SH3GLB1: variants seen among roughly 807,000 people sequenced by gnomAD.
SH3GLB1 encodes the protein endophilin-B1.
In SH3GLB1, 17 loss-of-function variants were observed where a neutral mutation model predicts 42.0. The observed-to-expected ratio is 0.40, with a 90% CI of 0.28 to 0.61. The LOEUF is 0.61. Ranked by LOEUF, SH3GLB1 falls within the 20% of genes least tolerant of loss-of-function variation. SH3GLB1 has a pLI of 0.36. For synonymous variants in SH3GLB1, 132 were observed against 146.6 expected (o/e 0.90, Z 0.72); for missense variants, 355 against 426.3 (o/e 0.83, Z 1.47).
chr1:86,732,342 A>G (rs1418055504), intron 5 of SH3GLB1, among the ~76,000 whole-genome samples: 1 of 152,236 alleles, frequency 6.6e-6, no homozygotes, highest in African/African-American at 2.4e-5. Context: ...TACTTTTAGC[A>G]GTAGAAGGTC....
chr1:86,705,487 C>T (rs1190840170), intron 1 of SH3GLB1, among the ~76,000 whole-genome samples: 1 of 152,204 alleles, frequency 6.6e-6, no homozygotes, highest in Non-Finnish European at 1.5e-5. Flanking sequence ...AAAGGACTGT[C>T]CTGGGCTTGG....
At chr1:86,731,196 A>C (rs531037774) in intron 5 of SH3GLB1, among the ~76,000 whole-genome samples, 1 of 152,336 alleles carries the variant, frequency 6.6e-6, no homozygotes, top group South Asian at 2.1e-4. Context: ...TGCTTTTTTA[A>C]GTCTTCAGAA....
chr1:86,713,938 T>C (rs1163962301), intron 1 of SH3GLB1, among the ~76,000 whole-genome samples: 4 of 152,248 alleles, frequency 2.6e-5, no homozygotes, highest in African/African-American at 9.6e-5. Context: ...TGTTGGCTGC[T>C]GAAACCCATG....
At chr1:86,718,368 C>G (rs763535655) in intron 2 of SH3GLB1, among the ~76,000 whole-genome samples, 3 of 152,114 alleles carry the variant, frequency 2.0e-5, no homozygotes, top group Non-Finnish European at 4.4e-5. Flanking sequence ...TGAAATTTAA[C>G]TAGTATCTTC....
At chr1:86,713,089 C>G (rs1446964409) in intron 1 of SH3GLB1, among the ~76,000 whole-genome samples, 1 of 151,858 alleles carries the variant, frequency 6.6e-6, no homozygotes, top group Non-Finnish European at 1.5e-5. Flanking sequence ...GCCCTGAACC[C>G]CAGTTTGTAT....
intron 3 of SH3GLB1, among the ~76,000 whole-genome samples, chr1:86,721,766 ACAGTCACCCCTCGAT>A (rs1654873056): frequency 6.6e-6 from 1 of 152,148 alleles, no homozygotes; most frequent in Non-Finnish European, 1.5e-5. Flanking sequence ...AAGTATAACC[ACAGTCACCCCTCGAT>A]ATCCATGGGG....
intron 2 of SH3GLB1, 139 bp downstream of exon 2, chr1:86,716,004 C>A: frequency 1.2e-6 from 1 of 817,594 alleles, no homozygotes. Flanking sequence ...TTTGTGTGTG[C>A]TTTTGTGAAG....
chr1:86,715,894 A>C (rs1654495083), intron 2 of SH3GLB1, 29 bp downstream of exon 2: 1 of 1,586,128 alleles, frequency 6.3e-7, no homozygotes, highest in Non-Finnish European at 8.5e-7. Context: ...TGTGTACCTT[A>C]AGTACTATTA....
intron 2 of SH3GLB1, 96 bp downstream of exon 2, chr1:86,715,961 T>G (rs2101927087): frequency 7.6e-7 from 1 of 1,315,114 alleles, no homozygotes; most frequent in South Asian, 1.4e-5. Context: ...AACATAGGAT[T>G]TTTTTATTGT....
rs1230770684 is a variant in SH3GLB1, at chr1:86,704,604, G to A, written c.-296G>A. The A allele has an allele frequency of 7.2e-6, 2 of 277,008 alleles. No individual in the cohort carries two copies. Among genetic ancestry groups the A allele is most frequent in the Non-Finnish European group, 1.4e-5 (2 of 144,776 alleles). The allele number at this position is 277,008 out of a possible 1,614,324, so 17.2% of individuals were successfully genotyped here. ...TTTCCCTTGGGACCCGGGTCCACAC[G>A]GCGGGGTCGCCCGTCCATCTCCGGC... On this transcript the variant is annotated 5_prime_UTR_variant, in exon 1 of 9. Transcript: ENST00000370558.
chr1:86,740,226 A>C (rs1655991148), intron 7 of SH3GLB1, among the ~76,000 whole-genome samples: 1 of 152,080 alleles, frequency 6.6e-6, no homozygotes, highest in Admixed American at 6.6e-5. Flanking sequence ...AACTGAGTGT[A>C]ATGGTTATGG....
chr1:86,737,327 G>A (rs762189472), intron 7 of SH3GLB1, among the ~76,000 whole-genome samples: 3 of 152,060 alleles, frequency 2.0e-5, no homozygotes, highest in Non-Finnish European at 2.9e-5. Context: ...CTTTAACTCT[G>A]CAAAATTGAC....
intron 6 of SH3GLB1, 96 bp from the exon 7 acceptor site, chr1:86,734,983 G>C: frequency 1.1e-6 from 1 of 875,564 alleles, no homozygotes; most frequent in Non-Finnish European, 1.9e-6. Flanking sequence ...ATACTGGTGA[G>C]TCTACCTCAG....
intron 7 of SH3GLB1, among the ~76,000 whole-genome samples, chr1:86,736,543 A>G (rs575141856): frequency 2.6e-5 from 4 of 152,326 alleles, no homozygotes; most frequent in African/African-American, 7.2e-5. Context: ...CATTATAACT[A>G]TTTTAAGCCC....
intron 1 of SH3GLB1, among the ~76,000 whole-genome samples, chr1:86,710,344 A>C (rs1444346150): frequency 6.6e-6 from 1 of 151,264 alleles, no homozygotes; most frequent in African/African-American, 2.4e-5. Context: ...GGCTCACCGC[A>C]ATCTCCGTTT....
chr1:86,712,963 A>G (rs1281435357), intron 1 of SH3GLB1, among the ~76,000 whole-genome samples: 1 of 152,186 alleles, frequency 6.6e-6, no homozygotes, highest in Admixed American at 6.5e-5. Flanking sequence ...GTCACAAAGA[A>G]AATGTTAAAT....
rs58494650 is a variant in SH3GLB1 at position 86,704,734 on chromosome 1, C to T, written c.-166C>T. ...TTGTTCTCCTCCCTCGCCCCGCCTT[C>T]ATCCTCCCCGTTCACGGAAACGACA... On this transcript the variant is annotated 5_prime_UTR_variant, in exon 1 of 9. Coordinates refer to ENST00000370558, the MANE Select transcript of SH3GLB1 (RefSeq NM_016009.5). The T allele has an allele frequency of 0.015, 7,520 of 486,016 alleles. 99 individuals carry two copies. The highest frequency in any genetic ancestry group is 0.029 in the African/African-American group (1,406 of 48,118). The allele number at this position is 486,016 out of a possible 1,614,324, so 30.1% of individuals were successfully genotyped here. A position where few individuals can be genotyped will look rare whatever the true frequency, so the allele number is the denominator to read the frequency against.
chr1:86,728,418 C>T lies in SH3GLB1; in HGVS notation c.570+4013C>T, dbSNP rs201765629. ...TGCACTTAAGCAACTAAACTCAGCT[C>T]GCCTTGAAGGAGATAACATTATGGT... On this transcript the variant is annotated intron_variant, in intron 5 of 8. Coordinates refer to ENST00000370558, the MANE Select transcript of SH3GLB1 (RefSeq NM_016009.5). The T allele has an allele frequency of 7.2e-4, 1,127 of 1,557,524 alleles. No individual in the cohort carries two copies. Among genetic ancestry groups the T allele is most frequent in the Non-Finnish European group, 9.3e-4 (1,067 of 1,149,036 alleles).
intron 7 of SH3GLB1, among the ~76,000 whole-genome samples, chr1:86,740,018 T>C (rs1655979409): frequency 6.6e-6 from 1 of 152,004 alleles, no homozygotes; most frequent in Admixed American, 6.6e-5. Flanking sequence ...TGGAGGTGCA[T>C]GTCTGTAGTC....
Sources: allele counts gnomAD v4.1 joint callset (sites outside exome capture counted in the v4.1 genomes callset), GRCh38; gene constraint gnomAD v4.1.1; transcripts MANE v1.5; gene names NCBI Gene and HGNC (gene_info 2026-07-23, HGNC 2026-07-21).